USP24: variants seen among roughly 807,000 people sequenced by gnomAD.
The protein encoded by USP24 is ubiquitin carboxyl-terminal hydrolase 24.
In USP24, 97 loss-of-function variants were observed where a neutral mutation model predicts 361.6. The ratio of observed to expected loss-of-function variants is 0.27; its 90% CI spans 0.23 to 0.32. USP24 has a LOEUF of 0.32. Ranked by LOEUF, USP24 falls within the 10% of genes least tolerant of loss-of-function variation. The pLI, the probability that USP24 is intolerant of heterozygous loss-of-function variation, is 1.00. For missense variants in USP24, 2,353 were observed against 3,165.6 expected, an observed-to-expected ratio of 0.74 and a Z score of 6.16; for synonymous variants, 1,098 against 1,124.6, an observed-to-expected ratio of 0.98 and a Z score of 0.47.
rs1429455725 is a variant in USP24, at chr1:55,125,401, T to C, written c.3879A>G (p.Ser1293=). The C allele has an allele frequency of 6.2e-7, 1 of 1,613,980 alleles. No homozygotes were observed. The highest frequency in any genetic ancestry group is 8.5e-7 in the Non-Finnish European group (1 of 1,179,876). Residue 1293 remains serine (S), a synonymous_variant, in exon 34 of 68, where the codon TCA becomes TCG. Coordinates refer to ENST00000294383, the MANE Select transcript of USP24 (RefSeq NM_015306.3). ...CAGACACGGACAACTGTCGGTAGGA[T>C]GACTTTTCTGGGGTACCACATAAGG... The part of the protein sequence containing the change: ...QMSLCGTPEK[S]SYRQLSVSDR...
intron 18 of USP24, 42 bp downstream of exon 18, chr1:55,147,607 T>A (rs761022356): frequency 6.5e-7 from 1 of 1,537,052 alleles, no homozygotes. Flanking sequence ...AAAGGTCAAA[T>A]TAATGTTGTA....
intron 67 of USP24, 136 bp downstream of exon 67, chr1:55,071,678 A>T: frequency 1.9e-6 from 2 of 1,062,574 alleles, no homozygotes; most frequent in Non-Finnish European, 1.4e-6. Context: ...TGAGATCACT[A>T]GAGGGCAGCG....
At chr1:55,106,053 G>A in intron 41 of USP24, 93 bp downstream of exon 41, 1 of 958,228 alleles carries the variant, frequency 1.0e-6, no homozygotes, top group African/African-American at 1.6e-5. Context: ...ACTCACAGAT[G>A]GAAGACAAAC....
intron 1 of USP24, among the ~76,000 whole-genome samples, chr1:55,205,713 A>G (rs1273539093): frequency 6.6e-6 from 1 of 152,178 alleles, no homozygotes; most frequent in Admixed American, 6.5e-5. Flanking sequence ...TCTCATTTAA[A>G]CACAGTTTGG....
chr1:55,214,643 G>A (rs1371537515), intron 1 of USP24, 147 bp downstream of exon 1: 1 of 704,184 alleles, frequency 1.4e-6, no homozygotes, highest in Non-Finnish European at 1.9e-6. Context: ...CTGGAGCCTG[G>A]GGCTTCTCTC....
chr1:55,149,965 G>T (rs1476145423), intron 16 of USP24, among the ~76,000 whole-genome samples: 1 of 152,132 alleles, frequency 6.6e-6, no homozygotes, highest in African/African-American at 2.4e-5. Flanking sequence ...AGCATTTTCC[G>T]AAGTCAGGAG....
At chr1:55,073,244 A>C (rs1570332800) in intron 64 of USP24, among the ~76,000 whole-genome samples, 1 of 152,378 alleles carries the variant, frequency 6.6e-6, no homozygotes, top group East Asian at 1.9e-4. Flanking sequence ...CAATTAAAAA[A>C]AAAAGAACCT....
intron 1 of USP24, among the ~76,000 whole-genome samples, chr1:55,189,580 A>C (rs1453434119): frequency 1.3e-5 from 2 of 152,206 alleles, no homozygotes; most frequent in Non-Finnish European, 1.5e-5. Flanking sequence ...AGGAGATAGA[A>C]AAAGACAGCA....
chr1:55,079,268 G>A (rs750024554), intron 60 of USP24, among the ~76,000 whole-genome samples: 2 of 152,162 alleles, frequency 1.3e-5, no homozygotes, highest in South Asian at 2.1e-4. Flanking sequence ...TACAATTAAC[G>A]AAATGATTTT....
At position 55,077,242 on chromosome 1, in the gene USP24, T is replaced by C; in HGVS notation, c.7373A>G (p.Glu2458Gly). The C allele has an allele frequency of 6.4e-7, 1 of 1,552,146 alleles. No individual in the cohort carries two copies. ...ELKNTFQLLH[E>G]ILVIEDPIQV... ...AGAACAGTTATGACTTACCAATATT[T>C]CATGAAGTAGTTGGAACGTATTCTT... Residue 2458 changes from glutamate (E) to glycine (G), a missense_variant, in exon 62 of 68, where the codon GAA (glutamate) becomes GGA (glycine). Glu to Gly is a moderately conservative substitution (Grantham distance 98). Coordinates refer to ENST00000294383, the MANE Select transcript of USP24 (RefSeq NM_015306.3).
At chr1:55,134,551 G>A (rs768606355) in intron 28 of USP24, 138 bp from the exon 29 acceptor site, 77 of 704,764 alleles carry the variant, frequency 1.1e-4, no homozygotes, top group East Asian at 1.9e-4. Flanking sequence ...CACAGTGCTC[G>A]TCTGTACTGA....
rs1351202486 is a variant in USP24, at chr1:55,157,046, T to C, written c.1348A>G (p.Ile450Val). 2 of 1,611,544 alleles carry C rather than the reference T, an allele frequency of 1.2e-6. No homozygotes were observed. The highest frequency in any genetic ancestry group is 1.3e-5 in the African/African-American group (1 of 74,802). Residue 450 changes from isoleucine (I) to valine (V), a missense_variant, in exon 12 of 68, where the codon ATA becomes GTA. Ile to Val is a conservative substitution (Grantham distance 29). Coordinates refer to ENST00000294383, the MANE Select transcript of USP24 (RefSeq NM_015306.3). Reference sequence around the variant, plus strand: ...CGGTCACAGTATTGTGCTTGGTCTATGTTGCCTAATTGAAGAAACATGAGA... The same window carrying C: ...CGGTCACAGTATTGTGCTTGGTCTACGTTGCCTAATTGAAGAAACATGAGA... ...SVLSIALEGN[I>V]DQAQYCDRIK...
rs375110379 is a variant in USP24 at position 55,071,943 on chromosome 1, C to T, written c.7690-19G>A. On this transcript the variant is annotated intron_variant, in intron 66 of 67. Coordinates refer to ENST00000294383, the MANE Select transcript of USP24 (RefSeq NM_015306.3). Reference sequence around the variant, plus strand: ...ACGTGTCCTGCAGAAGATTCAAACACAAGACGACAAAGTTAGGGCCCATTC... The same window carrying T: ...ACGTGTCCTGCAGAAGATTCAAACATAAGACGACAAAGTTAGGGCCCATTC... 2 of 1,589,760 alleles carry T rather than the reference C, an allele frequency of 1.3e-6. No homozygotes were observed.
Position 55,097,693 on chromosome 1 carries a change from T to C in USP24, c.5620A>G (p.Ile1874Val), listed in dbSNP as rs778811681. 15 of 1,572,304 alleles carry C rather than the reference T, an allele frequency of 9.5e-6. No individual in the cohort carries two copies. The Middle Eastern group carries it at 8.4e-4, about 88-fold the overall frequency. ...EKRITVKRTC[I>V]KSLPSVLVIH... ...ACCAAGACGCTAGGTAAAGATTTAATACAGGTCCTTTTCACTGTTATTCTC... is the reference window on the plus strand; with the variant it reads ...ACCAAGACGCTAGGTAAAGATTTAACACAGGTCCTTTTCACTGTTATTCTC... The change falls in exon 48 of 68, where the codon ATT becomes GTT. Residue 1874 changes from isoleucine to valine, a missense_variant. Coordinates refer to ENST00000294383, the MANE Select transcript of USP24 (RefSeq NM_015306.3).
chr1:55,201,600 CAAAAAAAAAAA>C (rs56659823), intron 1 of USP24, among the ~76,000 whole-genome samples: 7 of 35,450 alleles, frequency 2.0e-4, no homozygotes, highest in East Asian at 9.5e-4. Context: ...GACTCCATCT[CAAAAAAAAAAA>C]AAAAAAAAAA....
chr1:55,100,011 A>G lies in USP24; in HGVS notation c.5272-142T>C, dbSNP rs1645592106. 7 of 621,452 alleles carry G rather than the reference A, an allele frequency of 1.1e-5. No individual in the cohort carries two copies. The Admixed American group carries it at 2.1e-4, about 19-fold the overall frequency. The allele number at this position is 621,452 out of a possible 1,614,324, so 38.5% of individuals were successfully genotyped here. On this transcript the variant is annotated intron_variant, in intron 44 of 67. Coordinates refer to ENST00000294383, the MANE Select transcript of USP24 (RefSeq NM_015306.3). ...TGGACATTTCTAGTGAAGTGAGACT[A>G]GCTTGTATTCAGCCATCCACCCTTT...
chr1:55,099,797 T>A lies in USP24; in HGVS notation c.5344A>T (p.Ile1782Phe). 1.3e-6 allele frequency: 2 copies of A among 1,558,820 alleles called. No homozygotes were observed. The highest frequency in any genetic ancestry group is 1.7e-6 in the Non-Finnish European group (2 of 1,150,130). ...TTGAGGTATTCATCCATCTGATCAA[T>A]GAGACTAGTAAAGAATTCATATGCA... ...QDAYEFFTSL[I>F]DQMDEYLKKM... is the part of the protein sequence containing the mutation. Residue 1782 changes from isoleucine to phenylalanine, a missense_variant, in exon 45 of 68, where the codon ATT becomes TTT. Transcript: ENST00000294383.
In USP24 at chr1:55,072,388, A is replaced by G. The variant is rs1238544152; in HGVS notation, c.7618T>C (p.Trp2540Arg). The G allele has an allele frequency of 1.9e-6, 3 of 1,613,244 alleles. No individual in the cohort carries two copies. The highest frequency in any genetic ancestry group is 2.7e-5 in the African/African-American group (2 of 74,886). Residue 2540 changes from tryptophan (W) to arginine (R), a missense_variant, in exon 66 of 68, where the codon TGG becomes CGG. Physicochemically the swap from Trp to Arg is moderately radical, Grantham distance 101. Coordinates refer to ENST00000294383, the MANE Select transcript of USP24 (RefSeq NM_015306.3). ...TTAGAGACATTACTCTGTGGTGTCC[A>G]GTAATGTTCTGACATCTGAGATGAA... The part of the protein sequence containing the change: ...WLQKKMSEHY[W>R]TPQSNVSNET...
chr1:55,120,943 G>C (rs1166805827), intron 37 of USP24, among the ~76,000 whole-genome samples, 187 bp from the exon 38 acceptor site: 1 of 152,146 alleles, frequency 6.6e-6, no homozygotes, highest in Non-Finnish European at 1.5e-5. Context: ...ACTGCGGTTT[G>C]GGAACTGATT....
Sources: allele counts gnomAD v4.1 joint callset (sites outside exome capture counted in the v4.1 genomes callset), GRCh38; gene constraint gnomAD v4.1.1; transcripts MANE v1.5; gene names NCBI Gene and HGNC (gene_info 2026-07-23, HGNC 2026-07-21).